The following FRAS1 variants were observed in gnomAD, a reference collection of about 807,000 sequenced individuals.
FRAS1 encodes the protein extracellular matrix organizing protein FRAS1.
FRAS1 carries 290 observed loss-of-function variants against 435.2 expected under a neutral mutation model. That is an observed-to-expected ratio of 0.67 (90% CI 0.61 to 0.73). The LOEUF (loss-of-function observed/expected upper bound fraction) is 0.73. FRAS1 is among the 30% of genes least tolerant of loss of function. The pLI is 0.00. For synonymous variants in FRAS1, 1,800 were observed against 1,851.0 expected (o/e 0.97, Z 0.71); for missense variants, 4,860 against 5,001.5 (o/e 0.97, Z 0.85).
intron 13 of FRAS1, among the ~76,000 whole-genome samples, chr4:78,285,545 G>T (rs1464770139): frequency 6.6e-6 from 1 of 150,690 alleles, no homozygotes; most frequent in Non-Finnish European, 1.5e-5. Flanking sequence ...GATTCTCCTT[G>T]CCTCAGCCTC....
chr4:78,399,912 G>A (rs939584432), intron 29 of FRAS1, among the ~76,000 whole-genome samples: 2 of 152,134 alleles, frequency 1.3e-5, no homozygotes, highest in Admixed American at 1.3e-4. Flanking sequence ...CTTCCCTGGA[G>A]ACTCGTGTTG....
intron 2 of FRAS1, among the ~76,000 whole-genome samples, chr4:78,169,174 C>G (rs1275289802): frequency 3.3e-5 from 5 of 152,090 alleles, no homozygotes; most frequent in African/African-American, 4.8e-5. Context: ...TTTCAGCCAT[C>G]ATGCATTCAT....
intron 38 of FRAS1, among the ~76,000 whole-genome samples, chr4:78,435,069 C>CA (rs1384957089): frequency 6.6e-6 from 1 of 151,964 alleles, no homozygotes; most frequent in Non-Finnish European, 1.5e-5. Context: ...CCAGCCTGGA[C>CA]AACATGGCAA....
At chr4:78,387,824 C>T (rs1357672499) in intron 29 of FRAS1, 123 bp downstream of exon 29, 1 of 664,294 alleles carries the variant, frequency 1.5e-6, no homozygotes, top group East Asian at 2.8e-5. Flanking sequence ...CAAATATAAC[C>T]TATTATATAG....
chr4:78,520,117 C>T (rs1721340085), intron 67 of FRAS1, among the ~76,000 whole-genome samples: 1 of 151,644 alleles, frequency 6.6e-6, no homozygotes, highest in Admixed American at 6.6e-5. Context: ...ACACCTCACC[C>T]CCACTCAGTT....
chr4:78,376,709 G>A (rs1016938603), intron 26 of FRAS1, among the ~76,000 whole-genome samples: 8 of 152,132 alleles, frequency 5.3e-5, no homozygotes, highest in Admixed American at 2.0e-4. Context: ...ATGTAACATC[G>A]GCCGGGCATG....
intron 30 of FRAS1, 110 bp downstream of exon 30, chr4:78,400,997 T>A: frequency 1.1e-6 from 1 of 930,496 alleles, no homozygotes; most frequent in Non-Finnish European, 1.6e-6. Flanking sequence ...CTGAGCTTTC[T>A]AATACCTTAC....
chr4:78,363,018 G>A (rs1018256023), intron 20 of FRAS1, among the ~76,000 whole-genome samples: 1 of 152,134 alleles, frequency 6.6e-6, no homozygotes, highest in African/African-American at 2.4e-5. Flanking sequence ...TTGGCCATGG[G>A]TTTCAGGCTG....
intron 1 of FRAS1, among the ~76,000 whole-genome samples, chr4:78,063,213 C>G (rs140610268): frequency 6.6e-6 from 1 of 152,164 alleles, no homozygotes; most frequent in South Asian, 2.1e-4. Flanking sequence ...TGGCTTTCAA[C>G]CAGAAGCTAC....
intron 17 of FRAS1, among the ~76,000 whole-genome samples, chr4:78,318,264 C>T (rs2110236617): frequency 6.6e-6 from 1 of 152,290 alleles, no homozygotes; most frequent in Non-Finnish European, 1.5e-5. Flanking sequence ...CCTTATTTGG[C>T]TTTGCTTTTC....
chr4:78,077,296 G>A (rs537776291), intron 2 of FRAS1, among the ~76,000 whole-genome samples: 8 of 152,140 alleles, frequency 5.3e-5, no homozygotes, highest in East Asian at 1.9e-4. Flanking sequence ...CTTGATCCCC[G>A]GAAGTCAAGG....
chr4:78,067,708 A>ATTATTATTATTG (rs751750821), intron 2 of FRAS1, among the ~76,000 whole-genome samples: 3,186 of 135,640 alleles, frequency 0.023, 63 homozygotes, highest in East Asian at 0.066. Context: ...TATTATTATT[A>ATTATTATTATTG]TTATTTGTAA....
In FRAS1 at chr4:78,472,246, G is replaced by A; in HGVS notation, c.7438G>A (p.Val2480Ile). The A allele has an allele frequency of 6.2e-7, 1 of 1,613,926 alleles. No individual in the cohort carries two copies. The highest frequency in any genetic ancestry group is 8.5e-7 in the Non-Finnish European group (1 of 1,179,834). ...MDPDTEDAQL[V>I]YEITTGPKHG... ...CCCAGACACCGAGGACGCGCAGCTT[G>A]TCTATGAGATAACGACGGGCCCTAA... Residue 2480 changes from valine (V) to isoleucine (I), a missense_variant, in exon 52 of 74, where the codon GTC (valine) becomes ATC (isoleucine). Coordinates refer to ENST00000512123, the MANE Select transcript of FRAS1 (RefSeq NM_025074.7).
At chr4:78,435,244 T>TGACAGA (rs1161981155) in intron 38 of FRAS1, among the ~76,000 whole-genome samples, 1 of 152,132 alleles carries the variant, frequency 6.6e-6, no homozygotes, top group Non-Finnish European at 1.5e-5. Flanking sequence ...CCAGGGTGGA[T>TGACAGA]GACAGAGCAA....
chr4:78,387,447 C>T lies in FRAS1; in HGVS notation c.3721C>T (p.Leu1241Phe), dbSNP rs1732260523. Residue 1241 changes from leucine to phenylalanine, a missense_variant, in exon 29 of 74, where the codon CTT (leucine) becomes TTT (phenylalanine). Coordinates refer to ENST00000512123, the MANE Select transcript of FRAS1 (RefSeq NM_025074.7). ...GAGGGCAACCATCACCACCCAGATG[C>T]TTGACATCCGAGATGATGACAACCC... ...GERATITTQM[L>F]DIRDDDNPQD... 6.2e-7 allele frequency: 1 copy of T among 1,613,678 alleles called. No individual in the cohort carries two copies. The highest frequency in any genetic ancestry group is 1.3e-5 in the African/African-American group (1 of 74,902).
intron 2 of FRAS1, among the ~76,000 whole-genome samples, chr4:78,098,276 CTTTTTTT>C (rs5859606): frequency 6.8e-5 from 9 of 132,770 alleles, no homozygotes; most frequent in Non-Finnish European, 1.4e-4. Context: ...TAGATCTTTT[CTTTTTTT>C]TTTTTTTTTG....
At chr4:78,140,693 ATGTGTATATG>A in intron 2 of FRAS1, among the ~76,000 whole-genome samples, 1 of 144,914 alleles carries the variant, frequency 6.9e-6, no homozygotes, top group South Asian at 2.2e-4. Context: ...GCATATACAT[ATGTGTATATG>A]CATATACGTG....
Position 78,540,727 on chromosome 4 carries a change from C to T in FRAS1, c.11642C>T (p.Thr3881Ile). Reference sequence around the variant, plus strand: ...GAAGGAGACCAAGTCAAGAATGGCACCAATATGAAGTCCCTGAATCTGGAG... The same window carrying T: ...GAAGGAGACCAAGTCAAGAATGGCATCAATATGAAGTCCCTGAATCTGGAG... ...DNEGDQVKNGTNMKSLNLEMQ... is the reference protein window; with the variant it reads ...DNEGDQVKNGINMKSLNLEMQ... Residue 3881 changes from threonine to isoleucine, a missense_variant, in exon 74 of 74, where the codon ACC becomes ATC. Thr to Ile is a moderately conservative substitution (Grantham distance 89). Transcript: ENST00000512123. The T allele has an allele frequency of 1.2e-6, 2 of 1,613,732 alleles. No homozygotes were observed. Among genetic ancestry groups the T allele is most frequent in the Non-Finnish European group, 1.7e-6 (2 of 1,179,770 alleles).
Position 78,072,747 on chromosome 4 carries a change from T to C in FRAS1, c.108+6731T>C, listed in dbSNP as rs1286597195. Among the ~76,000 whole-genome samples, 3 of 152,150 alleles carry C rather than the reference T, an allele frequency of 2.0e-5. No individual in the cohort carries two copies. In the East Asian group the frequency reaches 5.8e-4, roughly 29 times the overall value. On this transcript the variant is annotated intron_variant, in intron 2 of 73. Transcript: ENST00000512123. ...TATTTTAAAATACGGAGTAATATGC[T>C]TTTAAATGGGGGATGCCACTCTTTA... is the stretch of plus-strand genomic sequence containing the variant.
Sources: gnomAD v4.1 joint callset for allele counts (sites outside exome capture counted in the v4.1 genomes callset) on GRCh38, gnomAD v4.1.1 for gene constraint, MANE v1.5 for transcripts, NCBI Gene and HGNC (gene_info 2026-07-23, HGNC 2026-07-21) for gene names.